WDR7: variants seen among roughly 807,000 people sequenced by gnomAD.
WDR7 encodes the protein WD repeat-containing protein 7.
Under a neutral mutation model 169.4 loss-of-function variants are expected in WDR7, and 46 were observed. That is an observed-to-expected ratio of 0.27 (90% CI 0.21 to 0.35). WDR7 has a LOEUF of 0.35. WDR7 is among the 10% of genes least tolerant of loss of function. The pLI is 1.00. For synonymous variants in WDR7, 612 were observed against 666.8 expected (o/e 0.92, Z 1.27); for missense variants, 1,534 against 1,859.3 (o/e 0.83, Z 3.22).
intron 20 of WDR7, among the ~76,000 whole-genome samples, chr18:56,840,607 G>T (rs979100849): frequency 2.0e-5 from 3 of 152,090 alleles, no homozygotes; most frequent in African/African-American, 7.2e-5. Context: ...GATCATTTGA[G>T]CCCAGCAGTT....
In WDR7 at chr18:57,027,202, G is replaced by A. The variant is rs1398963885; in HGVS notation, c.4468G>A (p.Val1490Ile). The change falls in exon 28 of 28, where the codon GTC becomes ATC. Residue 1490 changes from valine to isoleucine, a missense_variant. Physicochemically the swap from Val to Ile is conservative, Grantham distance 29. Coordinates refer to ENST00000254442, the MANE Select transcript of WDR7 (RefSeq NM_015285.3). ...TGACGGGAAGGAGCACCGCTTCATG[G>A]TCTAATGCTGCTGCCTGCCGCCGTG... ...AHDGKEHRFM[V>I] is the part of the protein sequence containing the mutation. The A allele has an allele frequency of 6.2e-7, 1 of 1,612,592 alleles. No individual in the cohort carries two copies. The highest frequency in any genetic ancestry group is 8.5e-7 in the Non-Finnish European group (1 of 1,179,482).
intron 26 of WDR7, among the ~76,000 whole-genome samples, chr18:57,001,419 CT>C (rs777587891): frequency 1.9e-4 from 29 of 152,136 alleles, no homozygotes; most frequent in Non-Finnish European, 1.6e-4. Context: ...CAGCCTTAGC[CT>C]TGTGCTCTCA....
intron 21 of WDR7, among the ~76,000 whole-genome samples, chr18:56,909,611 A>C (rs984063574): frequency 6.6e-6 from 1 of 152,150 alleles, no homozygotes; most frequent in Non-Finnish European, 1.5e-5. Flanking sequence ...TGTTTTATAT[A>C]TAACATAAGA....
At chr18:56,981,423 G>A (rs1325770903) in intron 26 of WDR7, among the ~76,000 whole-genome samples, 3 of 152,040 alleles carry the variant, frequency 2.0e-5, no homozygotes, top group South Asian at 2.1e-4. Flanking sequence ...GTCTGTGCTC[G>A]ACATAAAAAT....
At chr18:56,774,885 G>A (rs890600774) in intron 16 of WDR7, among the ~76,000 whole-genome samples, 1 of 152,042 alleles carries the variant, frequency 6.6e-6, no homozygotes, top group African/African-American at 2.4e-5. Flanking sequence ...TAAAGGATGA[G>A]TGTAAATGCC....
At chr18:56,844,662 G>T (rs2045541806) in intron 20 of WDR7, among the ~76,000 whole-genome samples, 1 of 152,302 alleles carries the variant, frequency 6.6e-6, no homozygotes, top group Admixed American at 6.5e-5. Flanking sequence ...ATTCAACAAG[G>T]TTCAAACAAG....
Position 56,898,737 on chromosome 18 carries a change from C to T in WDR7, c.3526+18572C>T, listed in dbSNP as rs377260498. Among the ~76,000 whole-genome samples, 40 of 152,080 alleles carry T rather than the reference C, an allele frequency of 2.6e-4. 1 individual carries two copies. The South Asian group carries it at 7.7e-3, about 29-fold the overall frequency. On this transcript the variant is annotated intron_variant, in intron 21 of 27. Coordinates refer to ENST00000254442, the MANE Select transcript of WDR7 (RefSeq NM_015285.3). ...AGGAACTGTCACAGATTGAAGAAGACTAAAGAGACATGACAACTAAATACA... is the reference window on the plus strand; with the variant it reads ...AGGAACTGTCACAGATTGAAGAAGATTAAAGAGACATGACAACTAAATACA...
rs11663042 is a variant in WDR7 at position 56,926,859 on chromosome 18, G to A, written c.3713+2751G>A. On this transcript the variant is annotated intron_variant, in intron 22 of 27. Transcript: ENST00000254442. ...TACATCCGTGACACACTCGGCAGAGGGTGCAGAGCCTGAGATGGTGGGAAG... is the reference window on the plus strand; with the variant it reads ...TACATCCGTGACACACTCGGCAGAGAGTGCAGAGCCTGAGATGGTGGGAAG... Among the ~76,000 whole-genome samples the A allele has an allele frequency of 9.2e-3, 1,405 of 152,272 alleles. 14 individuals are homozygous for A. The highest frequency in any genetic ancestry group is 0.014 in the Non-Finnish European group (937 of 68,018).
chr18:56,885,309 A>T (rs1185412808), intron 21 of WDR7, among the ~76,000 whole-genome samples: 1 of 152,194 alleles, frequency 6.6e-6, no homozygotes, highest in East Asian at 1.9e-4. Context: ...CAGAAAAAGA[A>T]TTCAGAAGGT....
chr18:56,726,431 A>G (rs1377628006), intron 13 of WDR7, among the ~76,000 whole-genome samples: 1 of 152,122 alleles, frequency 6.6e-6, no homozygotes, highest in African/African-American at 2.4e-5. Flanking sequence ...ATGGGAGTTC[A>G]CTCATGATTT....
At chr18:56,776,564 A>G (rs1489182579) in intron 16 of WDR7, among the ~76,000 whole-genome samples, 6 of 152,180 alleles carry the variant, frequency 3.9e-5, no homozygotes, top group Admixed American at 3.3e-4. Flanking sequence ...TGACTCTAAG[A>G]TGAATTTGAA....
chr18:56,933,400 G>T (rs981331618), intron 22 of WDR7, among the ~76,000 whole-genome samples: 1 of 152,118 alleles, frequency 6.6e-6, no homozygotes, highest in Non-Finnish European at 1.5e-5. Flanking sequence ...TTATTTAGCT[G>T]AGTTTGATCT....
At chr18:56,935,757 C>CT (rs1267785161) in intron 22 of WDR7, 31 bp from the exon 23 acceptor site, 2 of 1,597,974 alleles carry the variant, frequency 1.3e-6, no homozygotes, top group South Asian at 1.1e-5. Flanking sequence ...TGCTTCTTTT[C>CT]TTTTTTTCCC....
intron 12 of WDR7, among the ~76,000 whole-genome samples, chr18:56,707,391 A>T (rs1001734139): frequency 6.7e-6 from 1 of 149,308 alleles, no homozygotes; most frequent in African/African-American, 2.5e-5. Flanking sequence ...ATTAGGGATG[A>T]CTTCTCTTCC....
chr18:56,713,445 A>G (rs1174012504), intron 12 of WDR7, among the ~76,000 whole-genome samples: 2 of 152,230 alleles, frequency 1.3e-5, no homozygotes, highest in Admixed American at 1.3e-4. Context: ...CACATATACA[A>G]TTTATAAATA....
chr18:56,867,789 A>G (rs2045902719), intron 20 of WDR7, among the ~76,000 whole-genome samples: 1 of 152,194 alleles, frequency 6.6e-6, no homozygotes, highest in Non-Finnish European at 1.5e-5. Context: ...TAAGTTAAAC[A>G]TTGGAATAAT....
At chr18:56,885,493 A>G (rs1368759380) in intron 21 of WDR7, among the ~76,000 whole-genome samples, 1 of 152,000 alleles carries the variant, frequency 6.6e-6, no homozygotes, top group Non-Finnish European at 1.5e-5. Flanking sequence ...AATACACTGG[A>G]AAGTCTCAGC....
intron 21 of WDR7, among the ~76,000 whole-genome samples, chr18:56,900,080 G>GTATATATATATATATATATATA (rs772841290): frequency 2.6e-4 from 8 of 30,248 alleles, no homozygotes; most frequent in South Asian, 2.0e-3. Flanking sequence ...GTGTGTGTGT[G>GTATATATATATATATATATATA]TGTATATATA....
At chr18:56,848,461 G>C (rs2045597239) in intron 20 of WDR7, among the ~76,000 whole-genome samples, 1 of 152,158 alleles carries the variant, frequency 6.6e-6, no homozygotes, top group African/African-American at 2.4e-5. Flanking sequence ...TAAGACTTTA[G>C]AGGACCATTG....
Sources: allele counts gnomAD v4.1 joint callset (sites outside exome capture counted in the v4.1 genomes callset), GRCh38; gene constraint gnomAD v4.1.1; transcripts MANE v1.5; gene names NCBI Gene and HGNC (gene_info 2026-07-23, HGNC 2026-07-21).